TNFAIP2: variants seen among roughly 807,000 people sequenced by gnomAD.
The protein encoded by TNFAIP2 is TNF alpha induced protein 2, also known as tumor necrosis factor alpha-induced protein 2.
TNFAIP2 carries 47 observed loss-of-function variants against 63.5 expected under a neutral mutation model. That is an observed-to-expected ratio of 0.74 (90% CI 0.59 to 0.94). The LOEUF (loss-of-function observed/expected upper bound fraction) is 0.94, where lower values mean the gene tolerates loss of function less well. Among genes scored for constraint, TNFAIP2 ranks in the 40% least tolerant of loss-of-function variants. The pLI is 0.00. For missense variants in TNFAIP2, 787 were observed against 850.2 expected (o/e 0.93, Z 0.92); for synonymous variants, 405 against 390.2 (o/e 1.04, Z -0.45).
chr14:103,135,833 C>A lies in TNFAIP2; in HGVS notation c.*473C>A. The A allele has an allele frequency of 7.7e-7, 1 of 1,292,390 alleles. No individual in the cohort carries two copies. Among genetic ancestry groups the A allele is most frequent in the Non-Finnish European group, 1.0e-6 (1 of 990,942 alleles). The allele number at this position is 1,292,390 out of a possible 1,614,324, so 80.1% of individuals were successfully genotyped here. A position where few individuals can be genotyped will look rare whatever the true frequency, so the allele number is the denominator to read the frequency against. ...GCCCAGGGCCGCCGTGAGCGGGATT[C>A]AGCAATGGTGGAATGGAAGACAGAA... is the stretch of plus-strand genomic sequence containing the variant. On this transcript the variant is annotated 3_prime_UTR_variant, in exon 12 of 12. Transcript: ENST00000560869. The surrounding 1 kb of genome is among the most constrained non-coding windows in gnomAD (Gnocchi z 7.6).
chr14:103,135,423 G>T lies in TNFAIP2; in HGVS notation c.*63G>T. The T allele has an allele frequency of 1.3e-6, 2 of 1,537,442 alleles. No homozygotes were observed. Among genetic ancestry groups the T allele is most frequent in the South Asian group, 2.5e-5 (2 of 78,732 alleles). Reference sequence around the variant, plus strand: ...AAGCCTTGGGCACACCCCGCTGGGAGCTGTTAAGAGCAGCGCTGGTTCTCG... The same window carrying T: ...AAGCCTTGGGCACACCCCGCTGGGATCTGTTAAGAGCAGCGCTGGTTCTCG... On this transcript the variant is annotated 3_prime_UTR_variant, in exon 12 of 12. Coordinates refer to ENST00000560869, the MANE Select transcript of TNFAIP2 (RefSeq NM_006291.4). The surrounding 1 kb of genome is among the most constrained non-coding windows in gnomAD (Gnocchi z 7.6).
At chr14:103,122,665 G>T (rs1460833571), upstream of TNFAIP2, 2 of 455,950 alleles carry the variant, frequency 4.4e-6, no homozygotes, top group South Asian at 3.1e-5. Flanking sequence ...TGCGCTGAAT[G>T]GGCAAAGCCG....
chr14:103,131,690 G>C lies in TNFAIP2; in HGVS notation c.1350G>C (p.Leu450=). The C allele has an allele frequency of 1.2e-6, 2 of 1,608,828 alleles. No individual in the cohort carries two copies. The highest frequency in any genetic ancestry group is 2.7e-5 in the African/African-American group (2 of 74,992). The part of the protein sequence containing the change: ...WQVPQDTLSL[L]LGPLGELKSH... ...TACCCCAGGACACCCTGAGCCTCCTGCTGGGCCCCCTGGGTGAGCTCAAGA... is the reference window on the plus strand; with the variant it reads ...TACCCCAGGACACCCTGAGCCTCCTCCTGGGCCCCCTGGGTGAGCTCAAGA... Residue 450 remains leucine, a synonymous_variant, in exon 8 of 12, where the codon CTG becomes CTC. Coordinates refer to ENST00000560869, the MANE Select transcript of TNFAIP2 (RefSeq NM_006291.4). This position sits in a 1 kb window ranked among gnomAD's most constrained non-coding sequence, Gnocchi z 4.0.
Position 103,131,006 on chromosome 14 carries a change from C to T in TNFAIP2, c.1200-46C>T, listed in dbSNP as rs1566964317. ...GGGCAGGGAGGCTGCTGCTGTGGTC[C>T]CAGTGTTTGGGCTGGTCCTGAATGT... On this transcript the variant is annotated intron_variant, in intron 6 of 11. Coordinates refer to ENST00000560869, the MANE Select transcript of TNFAIP2 (RefSeq NM_006291.4). This position sits in a 1 kb window ranked among gnomAD's most constrained non-coding sequence, Gnocchi z 4.0. 1.9e-6 allele frequency: 3 copies of T among 1,595,448 alleles called. No homozygotes were observed. Among genetic ancestry groups the T allele is most frequent in the Admixed American group, 1.7e-5 (1 of 59,914 alleles).
intron 9 of TNFAIP2, among the ~76,000 whole-genome samples, chr14:103,133,136 G>T (rs1217141097): frequency 1.8e-5 from 2 of 108,764 alleles, no homozygotes; most frequent in South Asian, 6.5e-4. Flanking sequence ...GAAGGCACGA[G>T]CATGTAAACA....
In TNFAIP2 at chr14:103,126,489, CA is replaced by C; in HGVS notation, c.33del (p.Leu13TrpfsTer70). MSEASSEDLV[P>X]PLEAGAAPYR... is the part of the protein sequence containing the mutation. ...GAGGCCTCCTCTGAGGACCTGGTGC[CA>C]CCCCTGGAGGCTGGGGCAGCCCCAT... On this transcript the variant is annotated frameshift_variant, in exon 2 of 12. Coordinates refer to ENST00000560869, the MANE Select transcript of TNFAIP2 (RefSeq NM_006291.4). LOFTEE classifies it high-confidence loss of function. 1 of 1,596,916 alleles carries C rather than the reference CA, an allele frequency of 6.3e-7. No individual in the cohort carries two copies. Among genetic ancestry groups the C allele is most frequent in the Non-Finnish European group, 8.5e-7 (1 of 1,172,358 alleles).
At chr14:103,129,499 C>G (rs540169738) in intron 3 of TNFAIP2, among the ~76,000 whole-genome samples, 1 of 62,346 alleles carries the variant, frequency 1.6e-5, no homozygotes, top group Admixed American at 1.4e-4. Context: ...TGGAGCAGGA[C>G]CTAATGGGGG....
chr14:103,124,511 G>C (rs1221072753), intron 1 of TNFAIP2: 1 of 152,780 alleles, frequency 6.5e-6, no homozygotes, highest in East Asian at 1.9e-4. Flanking sequence ...CTGGAGGTGG[G>C]ACAGAGCCTA....
rs2234139 is a variant in TNFAIP2, at chr14:103,131,894, C to T, written c.1422+132C>T. The T allele has an allele frequency of 3.8e-3, 4,954 of 1,302,498 alleles. 19 individuals are homozygous for T. Among genetic ancestry groups the T allele is most frequent in the Middle Eastern group, 5.6e-3 (20 of 3,598 alleles). The allele number at this position is 1,302,498 out of a possible 1,614,324, so 80.7% of individuals were successfully genotyped here. On this transcript the variant is annotated intron_variant, in intron 8 of 11. Coordinates refer to ENST00000560869, the MANE Select transcript of TNFAIP2 (RefSeq NM_006291.4). The surrounding 1 kb of genome is among the most constrained non-coding windows in gnomAD (Gnocchi z 4.0). ...CACGCTCCAGGCCTGTGGACGGCACCGTGGGCCAGCTCTGGTGCAGCGGTG... is the reference window on the plus strand; with the variant it reads ...CACGCTCCAGGCCTGTGGACGGCACTGTGGGCCAGCTCTGGTGCAGCGGTG...
At position 103,131,847 on chromosome 14, in the gene TNFAIP2, A is replaced by G; in HGVS notation, c.1422+85A>G. ...GGAGGTGCCCCCAGGGAGGAGTGGC[A>G]GAAGCAAAGATGTGGGGAAGACACG... On this transcript the variant is annotated intron_variant, in intron 8 of 11. Coordinates refer to ENST00000560869, the MANE Select transcript of TNFAIP2 (RefSeq NM_006291.4). The surrounding 1 kb of genome is among the most constrained non-coding windows in gnomAD (Gnocchi z 4.0). 1.3e-6 allele frequency: 2 copies of G among 1,517,872 alleles called. No individual in the cohort carries two copies. The highest frequency in any genetic ancestry group is 2.4e-4 in the Middle Eastern group (1 of 4,226). The allele number at this position is 1,517,872 out of a possible 1,614,324, so 94.0% of individuals were successfully genotyped here.
rs764629402 is a variant in TNFAIP2, at chr14:103,126,512, C to A, written c.55C>A (p.Pro19Thr). 1.3e-6 allele frequency: 2 copies of A among 1,590,600 alleles called. No homozygotes were observed. The highest frequency in any genetic ancestry group is 1.7e-6 in the Non-Finnish European group (2 of 1,168,970). Residue 19 changes from proline (P) to threonine (T), a missense_variant, in exon 2 of 12, where the codon CCA becomes ACA. Around this residue, in one of 3 missense-constraint regions of TNFAIP2, gnomAD observed 258 missense variants for 228.9 expected, o/e 1.13. Coordinates refer to ENST00000560869, the MANE Select transcript of TNFAIP2 (RefSeq NM_006291.4). ...GCCACCCCTGGAGGCTGGGGCAGCC[C>A]CATATAGGGAGGAGGAAGAGGCGGC... ...LVPPLEAGAA[P>T]YREEEEAAKK...
Position 103,130,481 on chromosome 14 carries a change from G to A in TNFAIP2, c.1199+66G>A, listed in dbSNP as rs1595282434. Reference sequence around the variant, plus strand: ...CTCAGAGCCACGGCCCCTCCCTAGTGCCTCAGGTGGGGAGCTGAGCTGGAT... The same window carrying A: ...CTCAGAGCCACGGCCCCTCCCTAGTACCTCAGGTGGGGAGCTGAGCTGGAT... On this transcript the variant is annotated intron_variant, in intron 6 of 11. Coordinates refer to ENST00000560869, the MANE Select transcript of TNFAIP2 (RefSeq NM_006291.4). 8 of 1,442,230 alleles carry A rather than the reference G, an allele frequency of 5.5e-6. No homozygotes were observed. The East Asian group carries it at 2.0e-4, about 36-fold the overall frequency. The allele number at this position is 1,442,230 out of a possible 1,614,324, so 89.3% of individuals were successfully genotyped here. A position where few individuals can be genotyped will look rare whatever the true frequency, so the allele number is the denominator to read the frequency against.
chr14:103,135,594 C>A lies in TNFAIP2; in HGVS notation c.*234C>A. The A allele has an allele frequency of 7.1e-7, 1 of 1,404,834 alleles. No homozygotes were observed. 87.0% of individuals were successfully genotyped at this position (1,404,834 alleles called of 1,614,324 possible). A position where few individuals can be genotyped will look rare whatever the true frequency, so the allele number is the denominator to read the frequency against. ...CTCCCATCCTGGGCAGCCAACCAGG[C>A]AACACCAAGGACTCTTTGTAAACGA... On this transcript the variant is annotated 3_prime_UTR_variant, in exon 12 of 12. Coordinates refer to ENST00000560869, the MANE Select transcript of TNFAIP2 (RefSeq NM_006291.4). The surrounding 1 kb of genome is among the most constrained non-coding windows in gnomAD (Gnocchi z 7.6).
At position 103,133,609 on chromosome 14, in the gene TNFAIP2, T is replaced by C; in HGVS notation, c.1702-73T>C. Reference sequence around the variant, plus strand: ...GGGTCGGAGATAGGCCGCTGGTGCCTCTCTAAGCCCAACGAGTCGCTGACC... The same window carrying C: ...GGGTCGGAGATAGGCCGCTGGTGCCCCTCTAAGCCCAACGAGTCGCTGACC... On this transcript the variant is annotated intron_variant, in intron 10 of 11. Coordinates refer to ENST00000560869, the MANE Select transcript of TNFAIP2 (RefSeq NM_006291.4). The C allele has an allele frequency of 3.8e-6, 6 of 1,558,674 alleles. No homozygotes were observed. In the South Asian group the frequency reaches 7.2e-5, roughly 19 times the overall value.
At position 103,127,635 on chromosome 14, in the gene TNFAIP2, C is replaced by A; in HGVS notation, c.860+6C>A. On this transcript the variant is annotated splice_donor_region_variant and intron_variant, in intron 3 of 11. Transcript: ENST00000560869. The surrounding 1 kb of genome is among the most constrained non-coding windows in gnomAD (Gnocchi z 5.1). ...GTGCAGAACCTCTACCCCAAGTGAG[C>A]AGACCAGGGGCTGGGCCCGGGCCGG... 6.7e-7 allele frequency: 1 copy of A among 1,482,034 alleles called. No individual in the cohort carries two copies. The highest frequency in any genetic ancestry group is 1.3e-5 in the South Asian group (1 of 76,854). The allele number at this position is 1,482,034 out of a possible 1,614,324, so 91.8% of individuals were successfully genotyped here. A position where few individuals can be genotyped will look rare whatever the true frequency, so the allele number is the denominator to read the frequency against.
rs756413740 is a variant in TNFAIP2, at chr14:103,126,500, G to T, written c.43G>T (p.Ala15Ser). Residue 15 changes from alanine to serine, a missense_variant, in exon 2 of 12, where the codon GCT (alanine) becomes TCT (serine). Around this residue, in one of 3 missense-constraint regions of TNFAIP2, gnomAD observed 258 missense variants for 228.9 expected, o/e 1.13. Coordinates refer to ENST00000560869, the MANE Select transcript of TNFAIP2 (RefSeq NM_006291.4). ...SSEDLVPPLE[A>S]GAAPYREEEE... ...TGAGGACCTGGTGCCACCCCTGGAGGCTGGGGCAGCCCCATATAGGGAGGA... is the reference window on the plus strand; with the variant it reads ...TGAGGACCTGGTGCCACCCCTGGAGTCTGGGGCAGCCCCATATAGGGAGGA... 5 of 1,594,312 alleles carry T rather than the reference G, an allele frequency of 3.1e-6. No individual in the cohort carries two copies. The highest frequency in any genetic ancestry group is 3.4e-6 in the Non-Finnish European group (4 of 1,170,864).
rs1409263828 is a variant in TNFAIP2, at chr14:103,136,230, CTG to C, written c.*872_*873del. Reference sequence around the variant, plus strand: ...CCTCTCACTGTTGACCCTTTGGCCTCTGTATTTGTTTCCTATTGCCGTGACAG... The same window carrying C: ...CCTCTCACTGTTGACCCTTTGGCCTCTATTTGTTTCCTATTGCCGTGACAG... On this transcript the variant is annotated 3_prime_UTR_variant, in exon 12 of 12. Transcript: ENST00000560869. 3.7e-6 allele frequency: 1 copy of C among 270,046 alleles called. No individual in the cohort carries two copies. The highest frequency in any genetic ancestry group is 2.2e-5 in the African/African-American group (1 of 44,550). The allele number at this position is 270,046 out of a possible 1,614,324, so 16.7% of individuals were successfully genotyped here.
intron 8 of TNFAIP2, 71 bp from the exon 9 acceptor site, chr14:103,132,679 G>A: frequency 6.4e-7 from 1 of 1,561,952 alleles, no homozygotes; most frequent in Non-Finnish European, 8.7e-7. Flanking sequence ...GTGTCTGCGT[G>A]TCTGCGTGTC....
chr14:103,126,129 G>A (rs1249745132), intron 1 of TNFAIP2, among the ~76,000 whole-genome samples, 181 bp from the exon 2 acceptor site: 5 of 152,230 alleles, frequency 3.3e-5, no homozygotes, highest in South Asian at 2.1e-4. Flanking sequence ...TGAGATGCTC[G>A]TGGCCAGGGA....
Sources: allele counts gnomAD v4.1 joint callset (sites outside exome capture counted in the v4.1 genomes callset), GRCh38; gene constraint gnomAD v4.1.1; regional missense constraint gnomAD v4.1.1; non-coding constraint Gnocchi (gnomAD v3.1); transcripts MANE v1.5; gene names NCBI Gene and HGNC (gene_info 2026-07-23, HGNC 2026-07-21).